PCP4L1: variants seen among roughly 807,000 people sequenced by gnomAD.
PCP4L1 encodes Purkinje cell protein 4-like protein 1.
PCP4L1 carries 9 observed loss-of-function variants against 9.6 expected under a neutral mutation model. The ratio of observed to expected loss-of-function variants is 0.94; its 90% CI spans 0.57 to 1.64. The LOEUF (loss-of-function observed/expected upper bound fraction) is 1.64. Among genes scored for constraint, PCP4L1 ranks in the 40% most tolerant of loss-of-function variants. PCP4L1 has a pLI of 0.00. For missense variants in PCP4L1, 81 were observed against 80.8 expected (o/e 1.00, Z -0.01); for synonymous variants, 31 against 28.2 (o/e 1.10, Z -0.31).
chr1:161,285,350 A>G lies in PCP4L1; in HGVS notation c.*869A>G, dbSNP rs1346330040. ...TCCTGTAGTTCCCATTTGCCCCACT[A>G]TGGAGTCAGGGCAAAAGTGGAATAG... On this transcript the variant is annotated 3_prime_UTR_variant, in exon 3 of 3. Transcript: ENST00000504449. The G allele has an allele frequency of 6.6e-6, 1 of 152,356 alleles. No homozygotes were observed. Among genetic ancestry groups the G allele is most frequent in the Non-Finnish European group, 1.5e-5 (1 of 68,026 alleles). The allele number at this position is 152,356 out of a possible 1,614,324, so 9.4% of individuals were successfully genotyped here.
intron 1 of PCP4L1, among the ~76,000 whole-genome samples, chr1:161,279,190 A>G (rs1383883215): frequency 2.0e-5 from 3 of 152,190 alleles, no homozygotes; most frequent in African/African-American, 7.2e-5. Context: ...ACACATTCAC[A>G]TATCTTATTC....
intron 1 of PCP4L1, among the ~76,000 whole-genome samples, chr1:161,265,165 C>CAA (rs1207099146): frequency 3.3e-5 from 5 of 152,152 alleles, no homozygotes; most frequent in African/African-American, 1.2e-4. Context: ...GATGAACAAA[C>CAA]AGCCTCTGGG....
intron 1 of PCP4L1, among the ~76,000 whole-genome samples, chr1:161,268,797 C>T (rs771782738): frequency 3.9e-5 from 6 of 152,352 alleles, no homozygotes; most frequent in Middle Eastern, 6.8e-3. Flanking sequence ...GATCCACCCG[C>T]CTTGGGCTCC....
chr1:161,277,163 G>C (rs1669714293), intron 1 of PCP4L1, among the ~76,000 whole-genome samples: 1 of 152,028 alleles, frequency 6.6e-6, no homozygotes, highest in African/African-American at 2.4e-5. Flanking sequence ...AAAAATCAGT[G>C]GTGTCTCTAA....
intron 1 of PCP4L1, among the ~76,000 whole-genome samples, chr1:161,262,891 A>G (rs1669444138): frequency 6.6e-6 from 1 of 152,210 alleles, no homozygotes; most frequent in Non-Finnish European, 1.5e-5. Flanking sequence ...CTATATTTCT[A>G]AATTGTCTTT....
chr1:161,275,344 G>A (rs983386931), intron 1 of PCP4L1, among the ~76,000 whole-genome samples: 11 of 151,664 alleles, frequency 7.3e-5, no homozygotes, highest in African/African-American at 2.7e-4. Flanking sequence ...GTGAAACCCC[G>A]TCTCTACTAA....
At chr1:161,260,542 T>C (rs533194197) in intron 1 of PCP4L1, among the ~76,000 whole-genome samples, 3 of 152,358 alleles carry the variant, frequency 2.0e-5, no homozygotes, top group East Asian at 1.9e-4. Context: ...GTTTGTGATC[T>C]GAAGGCTATG....
At position 161,258,937 on chromosome 1, in the gene PCP4L1, T is replaced by G; in HGVS notation, c.-38T>G. ...CCCCGAGGGCCACTCGCCTCACCTG[T>G]GCGTGCAGCGCCTCGCGCGCCCTGT... is the stretch of plus-strand genomic sequence containing the variant. On this transcript the variant is annotated 5_prime_UTR_variant, in exon 1 of 3. Transcript: ENST00000504449. The G allele has an allele frequency of 1.3e-6, 2 of 1,534,960 alleles. No individual in the cohort carries two copies. The highest frequency in any genetic ancestry group is 1.7e-6 in the Non-Finnish European group (2 of 1,146,240).
intron 1 of PCP4L1, among the ~76,000 whole-genome samples, chr1:161,264,036 A>G (rs1377343931): frequency 2.0e-5 from 3 of 149,460 alleles, no homozygotes; most frequent in Non-Finnish European, 4.4e-5. Flanking sequence ...CAGCCTCCCA[A>G]GTAGCTGAGA....
At chr1:161,282,135 G>A (rs1427716138) in intron 1 of PCP4L1, among the ~76,000 whole-genome samples, 1 of 152,092 alleles carries the variant, frequency 6.6e-6, no homozygotes, top group Non-Finnish European at 1.5e-5. Context: ...CTGCAATCCC[G>A]GCACCTCGGG....
intron 1 of PCP4L1, among the ~76,000 whole-genome samples, chr1:161,261,798 G>A (rs1669423163): frequency 2.0e-5 from 3 of 152,190 alleles, no homozygotes. Flanking sequence ...AGGGGCTGGG[G>A]CAAGGGACAG....
chr1:161,266,382 C>G (rs942475852), intron 1 of PCP4L1, among the ~76,000 whole-genome samples: 1 of 152,188 alleles, frequency 6.6e-6, no homozygotes, highest in Non-Finnish European at 1.5e-5. Flanking sequence ...CTCTCTCTCC[C>G]CCATTCCCTA....
intron 1 of PCP4L1, among the ~76,000 whole-genome samples, chr1:161,268,810 A>C (rs191206059): frequency 1.9e-3 from 291 of 152,260 alleles, no homozygotes; most frequent in African/African-American, 6.7e-3. Context: ...TGGGCTCCCA[A>C]AGCCCTGGGA....
In PCP4L1 at chr1:161,285,261, C is replaced by G. The variant is rs1669891073; in HGVS notation, c.*780C>G. 6.6e-6 allele frequency: 1 copy of G among 152,254 alleles called. No individual in the cohort carries two copies. Among genetic ancestry groups the G allele is most frequent in the Non-Finnish European group, 1.5e-5 (1 of 68,026 alleles). 9.4% of individuals were successfully genotyped at this position (152,254 alleles called of 1,614,324 possible). On this transcript the variant is annotated 3_prime_UTR_variant, in exon 3 of 3. Transcript: ENST00000504449. ...TACATGAAGGATGCTTGGGGCTTTG[C>G]TAACCTGCTCACCGCTAACCCTCCA...
intron 1 of PCP4L1, among the ~76,000 whole-genome samples, chr1:161,280,846 ATTTAT>A (rs1669782501): frequency 6.6e-6 from 1 of 150,460 alleles, no homozygotes; most frequent in African/African-American, 2.5e-5. Flanking sequence ...TTTTAATGTT[ATTTAT>A]TTTATTTTTA....
chr1:161,284,682 C>A lies in PCP4L1; in HGVS notation c.*201C>A. 1.5e-6 allele frequency: 1 copy of A among 673,648 alleles called. No homozygotes were observed. The highest frequency in any genetic ancestry group is 2.5e-6 in the Non-Finnish European group (1 of 397,424). The allele number at this position is 673,648 out of a possible 1,614,324, so 41.7% of individuals were successfully genotyped here. A position where few individuals can be genotyped will look rare whatever the true frequency, so the allele number is the denominator to read the frequency against. ...TGGAGAAGATGAAGACTTCAATCAG[C>A]AGTCACTAGTCTAAGGGTGGAACAA... On this transcript the variant is annotated 3_prime_UTR_variant, in exon 3 of 3. Coordinates refer to ENST00000504449, the MANE Select transcript of PCP4L1 (RefSeq NM_001102566.2).
At chr1:161,273,738 G>C (rs1314093604) in intron 1 of PCP4L1, among the ~76,000 whole-genome samples, 1 of 152,206 alleles carries the variant, frequency 6.6e-6, no homozygotes, top group Non-Finnish European at 1.5e-5. Context: ...AGATCAATTA[G>C]AGCAGAAATC....
At position 161,278,334 on chromosome 1, in the gene PCP4L1, T is replaced by G. The variant is rs564937557; in HGVS notation, c.10-5334T>G. Among the ~76,000 whole-genome samples, 3 of 152,342 alleles carry G rather than the reference T, an allele frequency of 2.0e-5. No individual in the cohort carries two copies. The South Asian group carries it at 6.2e-4, about 32-fold the overall frequency. ...CCACCCTAGTCCAGGCCCCATCATC[T>G]TGCTTGTACCATTGCAAGACTCTCT... On this transcript the variant is annotated intron_variant, in intron 1 of 2. Transcript: ENST00000504449.
chr1:161,271,391 T>C (rs1474731262), intron 1 of PCP4L1, among the ~76,000 whole-genome samples: 1 of 152,218 alleles, frequency 6.6e-6, no homozygotes, highest in Non-Finnish European at 1.5e-5. Flanking sequence ...TTAAAAAAAC[T>C]GTGTTTTTAT....
Sources: gnomAD v4.1 joint callset for allele counts (sites outside exome capture counted in the v4.1 genomes callset) on GRCh38, gnomAD v4.1.1 for gene constraint, MANE v1.5 for transcripts, NCBI Gene and HGNC (gene_info 2026-07-23, HGNC 2026-07-21) for gene names.